The following RNF2 variants were observed in gnomAD, a reference collection of about 807,000 sequenced individuals.
RNF2 encodes the protein E3 ubiquitin-protein ligase RING2.
In RNF2, 6 loss-of-function variants were observed where a neutral mutation model predicts 37.2. The observed-to-expected ratio is 0.16, with a 90% confidence interval of 0.09 to 0.32. The LOEUF is 0.32. Ranked by LOEUF, RNF2 falls within the 10% of genes least tolerant of loss-of-function variation. The pLI is 1.00. For missense variants in RNF2, 251 were observed against 404.0 expected (o/e 0.62, Z 3.25); for synonymous variants, 133 against 132.7 (o/e 1.00, Z -0.02).
At chr1:185,081,250 C>T (rs916443965) in intron 1 of RNF2, among the ~76,000 whole-genome samples, 5 of 152,112 alleles carry the variant, frequency 3.3e-5, no homozygotes, top group Non-Finnish European at 5.9e-5. Context: ...TCGATGAACT[C>T]TTGGAAAGTA....
At chr1:185,062,030 T>C (rs1384117001) in intron 1 of RNF2, among the ~76,000 whole-genome samples, 1 of 152,248 alleles carries the variant, frequency 6.6e-6, no homozygotes, top group Non-Finnish European at 1.5e-5. Flanking sequence ...CAGTAACCAG[T>C]ATTCCTGTAA....
chr1:185,069,596 T>G (rs892179682), intron 1 of RNF2, among the ~76,000 whole-genome samples: 2 of 151,504 alleles, frequency 1.3e-5, no homozygotes, highest in African/African-American at 4.9e-5. Context: ...GACCAAAGAG[T>G]AAAGGCCATG....
At chr1:185,095,110 A>G (rs1651875285) in intron 4 of RNF2, among the ~76,000 whole-genome samples, 1 of 152,272 alleles carries the variant, frequency 6.6e-6, no homozygotes, top group South Asian at 2.1e-4. Flanking sequence ...TCTGTTTACC[A>G]AAGTATAATG....
chr1:185,059,296 C>T (rs954834985), intron 1 of RNF2, among the ~76,000 whole-genome samples: 12 of 151,172 alleles, frequency 7.9e-5, no homozygotes, highest in Admixed American at 3.3e-4. Context: ...ACCTATGTGA[C>T]GGGGGACACA....
intron 5 of RNF2, among the ~76,000 whole-genome samples, chr1:185,098,779 G>C (rs894290860): frequency 1.3e-5 from 2 of 151,444 alleles, no homozygotes; most frequent in Non-Finnish European, 2.9e-5. Flanking sequence ...TTGAGATGGA[G>C]CCTTGCTCTG....
rs541599179 is a variant in RNF2, at chr1:185,046,726, A to G, written c.-3+1077A>G. On this transcript the variant is annotated intron_variant, in intron 1 of 6. Transcript: ENST00000367510. The stretch of plus-strand genomic sequence containing the variant: ...ACGCTGTTTTTCAATTAAAAAAATT[A>G]AGGCATGGTTTCAGTGTTCTAAACC... Among the ~76,000 whole-genome samples, 11 of 152,336 alleles carry G rather than the reference A, an allele frequency of 7.2e-5. No homozygotes were observed. The East Asian group carries it at 1.9e-3, about 27-fold the overall frequency.
intron 1 of RNF2, among the ~76,000 whole-genome samples, chr1:185,059,454 A>G (rs369765963): frequency 2.0e-5 from 3 of 152,236 alleles, no homozygotes; most frequent in Admixed American, 1.3e-4. Flanking sequence ...CTTCTAGAAC[A>G]TAACTTTTAC....
chr1:185,082,344 A>ATTT (rs1557969996), intron 1 of RNF2, among the ~76,000 whole-genome samples: 1 of 46,834 alleles, frequency 2.1e-5, no homozygotes, highest in African/African-American at 7.2e-5. Flanking sequence ...CCTCTGCAGA[A>ATTT]CTTTTTTTTT....
Position 185,086,231 on chromosome 1 carries a change from G to T in RNF2, c.-2-1321G>T, listed in dbSNP as rs998249621. On this transcript the variant is annotated intron_variant, in intron 1 of 6. Transcript: ENST00000367510. ...CTTAGACTTTGTCTTATCGATTGTT[G>T]TTTATCTATTTGCATGCATTTCCTT... 4.6e-5 allele frequency among the ~76,000 whole-genome samples: 7 copies of T among 151,924 alleles called. No homozygotes were observed. In the East Asian group the frequency reaches 1.3e-3, roughly 29 times the overall value.
At chr1:185,071,710 A>G (rs577325671) in intron 1 of RNF2, 23 of 165,512 alleles carry the variant, frequency 1.4e-4, no homozygotes, top group Non-Finnish European at 2.8e-4. Flanking sequence ...ATGCATCTCA[A>G]TGAAGTCACA....
chr1:185,076,060 A>G (rs965896713), intron 1 of RNF2, among the ~76,000 whole-genome samples: 1 of 151,868 alleles, frequency 6.6e-6, no homozygotes, highest in South Asian at 2.1e-4. Flanking sequence ...AGTATATATT[A>G]TCGTTATTGG....
At chr1:185,079,757 C>T (rs553216012) in intron 1 of RNF2, among the ~76,000 whole-genome samples, 6 of 152,222 alleles carry the variant, frequency 3.9e-5, no homozygotes, top group South Asian at 2.1e-4. Context: ...TGGCAAACCC[C>T]GTCTCTACTA....
chr1:185,067,127 G>C (rs1223092083), intron 1 of RNF2, among the ~76,000 whole-genome samples: 2 of 152,152 alleles, frequency 1.3e-5, no homozygotes, highest in African/African-American at 2.4e-5. Context: ...ATTAGGAATT[G>C]ATATTGCTTC....
At chr1:185,054,611 G>A (rs1437273515) in intron 1 of RNF2, among the ~76,000 whole-genome samples, 1 of 152,170 alleles carries the variant, frequency 6.6e-6, no homozygotes, top group African/African-American at 2.4e-5. Flanking sequence ...TCTAGAGGCG[G>A]GGCCTGAATT....
chr1:185,098,348 AGT>A lies in RNF2; in HGVS notation c.737+10_737+11del, dbSNP rs1557976330. ...AAGATGACAGTGCACAGACGAGGTA[AGT>A]GTGTGGATTAGTTTCAGATTATCTA... On this transcript the variant is annotated splice_donor_5th_base_variant and intron_variant, in intron 5 of 6. Transcript: ENST00000367510. The A allele has an allele frequency of 6.2e-7, 1 of 1,612,086 alleles. No individual in the cohort carries two copies. The highest frequency in any genetic ancestry group is 8.5e-7 in the Non-Finnish European group (1 of 1,178,430).
intron 1 of RNF2, among the ~76,000 whole-genome samples, chr1:185,076,365 A>G (rs1488609142): frequency 7.7e-6 from 1 of 129,402 alleles, no homozygotes; most frequent in Non-Finnish European, 1.5e-5. Flanking sequence ...ATCTTGGCTC[A>G]CTGCAACCTC....
intron 1 of RNF2, among the ~76,000 whole-genome samples, chr1:185,072,305 ACTC>A (rs1651001544): frequency 4.6e-5 from 7 of 151,702 alleles, no homozygotes; most frequent in Admixed American, 4.6e-4. Flanking sequence ...CCTAATTTGA[ACTC>A]CTCTTTTTAT....
At position 185,091,022 on chromosome 1, in the gene RNF2, T is replaced by G. The variant is rs146741829; in HGVS notation, c.88-557T>G. On this transcript the variant is annotated intron_variant, in intron 2 of 6. Coordinates refer to ENST00000367510, the MANE Select transcript of RNF2 (RefSeq NM_007212.4). ...AAAATTGCTCTGTGGAAAAGAATTT[T>G]CGGGGTTCAAAAGTATTTTAAAATG... 3.9e-4 allele frequency among the ~76,000 whole-genome samples: 60 copies of G among 152,352 alleles called. 1 individual carries two copies. The East Asian group carries it at 0.011, about 29-fold the overall frequency.
At chr1:185,048,243 G>GT (rs1650172939) in intron 1 of RNF2, among the ~76,000 whole-genome samples, 1 of 152,294 alleles carries the variant, frequency 6.6e-6, no homozygotes, top group South Asian at 2.1e-4. Flanking sequence ...TGCTAAGAGC[G>GT]TAGGTGTGAC....
Sources: gnomAD v4.1 joint callset for allele counts (sites outside exome capture counted in the v4.1 genomes callset) on GRCh38, gnomAD v4.1.1 for gene constraint, MANE v1.5 for transcripts, NCBI Gene and HGNC (gene_info 2026-07-23, HGNC 2026-07-21) for gene names.